Variants in SRPK2 observed in about 807,000 individuals in gnomAD.
SRPK2 encodes SFRS protein kinase 2.
A neutral mutation model predicts 90.8 loss-of-function variants in SRPK2; 21 were observed. The ratio of observed to expected loss-of-function variants is 0.23; its 90% CI spans 0.16 to 0.33. The LOEUF (loss-of-function observed/expected upper bound fraction) is 0.33, where lower values mean the gene tolerates loss of function less well. Among genes scored for constraint, SRPK2 ranks in the 10% least tolerant of loss-of-function variants. The probability of loss-of-function intolerance (pLI) is 1.00; values close to 1 mark genes in which losing one functional copy is unlikely to be tolerated. For missense variants in SRPK2, 620 were observed against 869.0 expected (o/e 0.71, Z 3.60); for synonymous variants, 288 against 311.1 (o/e 0.93, Z 0.78).
At chr7:105,352,504 A>C (rs960192948) in intron 2 of SRPK2, among the ~76,000 whole-genome samples, 1 of 152,218 alleles carries the variant, frequency 6.6e-6, no homozygotes, top group Non-Finnish European at 1.5e-5. Context: ...GAACCACCCC[A>C]CTCAACTGCT....
Position 105,348,077 on chromosome 7 carries a change from T to TTA in SRPK2, c.71+40570_71+40571insTA, listed in dbSNP as rs1276072174. Among the ~76,000 whole-genome samples the TTA allele has an allele frequency of 2.1e-5, 3 of 140,258 alleles. No individual in the cohort carries two copies. In the Admixed American group the frequency reaches 2.2e-4, roughly 10 times the overall value. 92.0% of individuals were successfully genotyped at this position (140,258 alleles called of 152,430 possible). A position where few individuals can be genotyped will look rare whatever the true frequency, so the allele number is the denominator to read the frequency against. ...ATGGCTGCTTGGCAAACTTTTTTTT[T>TTA]TTTTTTTTTTTTTTTTGAGATGGAG... is the stretch of plus-strand genomic sequence containing the variant. On this transcript the variant is annotated intron_variant, in intron 2 of 15. Coordinates refer to ENST00000393651, the MANE Select transcript of SRPK2 (RefSeq NM_182692.3).
intron 2 of SRPK2, among the ~76,000 whole-genome samples, chr7:105,219,987 G>C (rs1797902273): frequency 6.6e-6 from 1 of 152,196 alleles, no homozygotes; most frequent in Non-Finnish European, 1.5e-5. Flanking sequence ...GTGTACACCT[G>C]ACTTAGAGCC....
chr7:105,170,521 C>G (rs920888112), intron 3 of SRPK2, among the ~76,000 whole-genome samples: 20 of 151,618 alleles, frequency 1.3e-4, no homozygotes, highest in African/African-American at 4.4e-4. Context: ...GGTGAAACCC[C>G]ATCTCTACTA....
chr7:105,361,669 C>G (rs1249789377), intron 2 of SRPK2, among the ~76,000 whole-genome samples: 1 of 152,078 alleles, frequency 6.6e-6, no homozygotes, highest in African/African-American at 2.4e-5. Context: ...GAAATACCAC[C>G]GCACATCTAC....
intron 2 of SRPK2, among the ~76,000 whole-genome samples, chr7:105,239,614 G>A (rs556597868): frequency 1.3e-5 from 2 of 152,180 alleles, no homozygotes; most frequent in African/African-American, 4.8e-5. Context: ...GAGCTGACAA[G>A]ATGTTCTGGG....
intron 2 of SRPK2, among the ~76,000 whole-genome samples, chr7:105,325,903 G>T (rs1813527240): frequency 6.6e-6 from 1 of 152,152 alleles, no homozygotes; most frequent in Non-Finnish European, 1.5e-5. Context: ...ACCATCTGTG[G>T]GACTACGACT....
intron 2 of SRPK2, among the ~76,000 whole-genome samples, chr7:105,319,797 G>A (rs1812733284): frequency 1.3e-5 from 2 of 151,664 alleles, no homozygotes; most frequent in East Asian, 1.9e-4. Context: ...GGCAAATGCT[G>A]ACCTGTAACC....
chr7:105,334,468 G>A (rs780237213), intron 2 of SRPK2, among the ~76,000 whole-genome samples: 82 of 145,776 alleles, frequency 5.6e-4, no homozygotes, highest in Non-Finnish European at 1.0e-3. Flanking sequence ...TGATCCACCC[G>A]CCTTAGTCTC....
At chr7:105,354,853 C>A (rs998069614) in intron 2 of SRPK2, among the ~76,000 whole-genome samples, 4 of 152,146 alleles carry the variant, frequency 2.6e-5, no homozygotes, top group African/African-American at 9.7e-5. Flanking sequence ...GTATTTTTAT[C>A]ACCCCAAAAA....
chr7:105,145,975 C>A (rs1442167584), intron 8 of SRPK2, among the ~76,000 whole-genome samples: 1 of 152,170 alleles, frequency 6.6e-6, no homozygotes, highest in East Asian at 1.9e-4. Context: ...GTCCACACTT[C>A]ACTGCACCAC....
chr7:105,161,370 A>C (rs771175795), intron 6 of SRPK2, among the ~76,000 whole-genome samples: 1 of 152,166 alleles, frequency 6.6e-6, no homozygotes, highest in Non-Finnish European at 1.5e-5. Context: ...ACGTTTATTA[A>C]ATCTATGAAT....
upstream of SRPK2, among the ~76,000 whole-genome samples, chr7:105,394,145 CTTTT>C (rs746514839): frequency 7.1e-6 from 1 of 139,932 alleles, no homozygotes. Flanking sequence ...TTCTTTCTTT[CTTTT>C]TTTTTTTTTT....
At chr7:105,292,211 T>C (rs1809128027) in intron 2 of SRPK2, among the ~76,000 whole-genome samples, 1 of 152,104 alleles carries the variant, frequency 6.6e-6, no homozygotes. Flanking sequence ...CATGTCTGGT[T>C]AAAAAGTAAA....
chr7:105,179,132 A>C (rs1454662590), intron 3 of SRPK2, among the ~76,000 whole-genome samples: 1 of 152,232 alleles, frequency 6.6e-6, no homozygotes, highest in African/African-American at 2.4e-5. Flanking sequence ...TAAAATGTTC[A>C]TGTCAAGGCC....
intron 2 of SRPK2, among the ~76,000 whole-genome samples, chr7:105,286,057 A>G (rs1273883035): frequency 6.6e-6 from 1 of 152,224 alleles, no homozygotes; most frequent in Non-Finnish European, 1.5e-5. Flanking sequence ...ATTTTACAGG[A>G]AAACTGAGGT....
At chr7:105,392,555 C>A (rs35993922), upstream of SRPK2, among the ~76,000 whole-genome samples, 3 of 152,134 alleles carry the variant, frequency 2.0e-5, no homozygotes, top group East Asian at 1.9e-4. Flanking sequence ...GCTCTGTTGC[C>A]GAGGCTGGAG....
intron 2 of SRPK2, among the ~76,000 whole-genome samples, chr7:105,221,334 C>G (rs569230330): frequency 1.3e-5 from 2 of 152,276 alleles, no homozygotes; most frequent in South Asian, 4.1e-4. Context: ...GGTTTAAGTT[C>G]CAGCTCCATC....
intron 2 of SRPK2, among the ~76,000 whole-genome samples, chr7:105,290,493 G>C (rs1808829206): frequency 6.6e-6 from 1 of 151,896 alleles, no homozygotes; most frequent in Non-Finnish European, 1.5e-5. Context: ...GCAAGACCTT[G>C]TCTCAAAAAA....
intron 3 of SRPK2, among the ~76,000 whole-genome samples, chr7:105,175,675 T>C (rs1225147326): frequency 6.6e-6 from 1 of 152,082 alleles, no homozygotes; most frequent in African/African-American, 2.4e-5. Flanking sequence ...TCATGAGCAA[T>C]GAGTGAGGTA....
Sources: allele counts gnomAD v4.1 joint callset (sites outside exome capture counted in the v4.1 genomes callset), GRCh38; gene constraint gnomAD v4.1.1; transcripts MANE v1.5; gene names NCBI Gene and HGNC (gene_info 2026-07-23, HGNC 2026-07-21).